The following PCDH15 variants were observed in gnomAD, a reference collection of about 807,000 sequenced individuals.
PCDH15 encodes the protein protocadherin related 15, also known as protocadherin-15.
In PCDH15, 129 loss-of-function variants were observed where a neutral mutation model predicts 178.5. That is an observed-to-expected ratio of 0.72 (90% CI 0.63 to 0.84). The LOEUF is 0.84. Among genes scored for constraint, PCDH15 ranks in the 40% least tolerant of loss-of-function variants. The pLI is 0.00. For missense variants in PCDH15, 2,230 were observed against 2,099.9 expected, an observed-to-expected ratio of 1.06 and a Z score of -1.21; for synonymous variants, 800 against 732.0, an observed-to-expected ratio of 1.09 and a Z score of -1.50.
chr10:54,434,231 AGATT>A (rs2075227011), intron 3 of PCDH15, among the ~76,000 whole-genome samples: 1 of 145,584 alleles, frequency 6.9e-6, no homozygotes, highest in African/African-American at 2.5e-5. Context: ...CAGTAAGCTA[AGATT>A]AATTACTGAA....
At chr10:54,706,503 T>C (rs1227793875) in intron 1 of PCDH15, among the ~76,000 whole-genome samples, 14 of 152,194 alleles carry the variant, frequency 9.2e-5, no homozygotes, top group Non-Finnish European at 2.9e-5. Context: ...GGGATAGTAA[T>C]ATAAATTTTT....
At chr10:54,595,010 C>T (rs2092135490) in intron 2 of PCDH15, among the ~76,000 whole-genome samples, 1 of 152,222 alleles carries the variant, frequency 6.6e-6, no homozygotes, top group African/African-American at 2.4e-5. Context: ...AACACCAGCA[C>T]CAGTACAAAT....
At chr10:53,810,252 TTAAAATATATTTGCTTA>T (rs1258642757) in intron 37 of PCDH15, among the ~76,000 whole-genome samples, 1 of 152,172 alleles carries the variant, frequency 6.6e-6, no homozygotes, top group Non-Finnish European at 1.5e-5. Flanking sequence ...TTGCAGAACT[TTAAAATATATTTGCTTA>T]TAATATCTTT....
intron 2 of PCDH15, among the ~76,000 whole-genome samples, chr10:55,340,580 A>G (rs1844527606): frequency 6.6e-6 from 1 of 152,080 alleles, no homozygotes; most frequent in Admixed American, 6.6e-5. Context: ...GCAATATAAT[A>G]TATTCGTGTA....
chr10:54,726,540 G>A (rs1942563094), intron 1 of PCDH15, among the ~76,000 whole-genome samples: 1 of 151,120 alleles, frequency 6.6e-6, no homozygotes, highest in Non-Finnish European at 1.5e-5. Context: ...AGAGAATGAT[G>A]AGAGGGCACA....
chr10:53,977,722 G>C (rs894988613), intron 21 of PCDH15, among the ~76,000 whole-genome samples: 2 of 152,118 alleles, frequency 1.3e-5, no homozygotes, highest in Admixed American at 6.5e-5. Context: ...GACACAGCAA[G>C]TACCTTCTGC....
chr10:55,374,926 A>G (rs767125751), intron 2 of PCDH15, among the ~76,000 whole-genome samples: 22 of 151,960 alleles, frequency 1.4e-4, no homozygotes, highest in Non-Finnish European at 2.8e-4. Flanking sequence ...AACTCTATAA[A>G]ATGACATTCT....
intron 1 of PCDH15, among the ~76,000 whole-genome samples, chr10:55,291,670 C>A (rs1288070646): frequency 6.6e-6 from 1 of 152,056 alleles, no homozygotes; most frequent in Non-Finnish European, 1.5e-5. Context: ...TTTGAAGTCA[C>A]AAAAGGGAAA....
At chr10:54,941,813 T>TC (rs1217485555) in intron 2 of PCDH15, among the ~76,000 whole-genome samples, 7 of 152,094 alleles carry the variant, frequency 4.6e-5, no homozygotes, top group South Asian at 2.1e-4. Flanking sequence ...GAAGTCTATT[T>TC]CCCCCCCGTA....
chr10:54,829,143 T>C lies in PCDH15; in HGVS notation c.-29+68307A>G, dbSNP rs73254013. ...CTAAAGACTTGGATTTTACCTCAAG[T>C]GTGATGAATAGGCATTGCAATGTTT... On this transcript the variant is annotated intron_variant, in intron 3 of 5. Transcript: ENST00000458638. 3.7e-3 allele frequency among the ~76,000 whole-genome samples: 561 copies of C among 152,048 alleles called. 1 individual carries two copies. Among genetic ancestry groups the C allele is most frequent in the African/African-American group, 0.013 (539 of 41,502 alleles).
At chr10:55,480,208 A>G (rs959691540) in intron 2 of PCDH15, among the ~76,000 whole-genome samples, 2 of 151,690 alleles carry the variant, frequency 1.3e-5, no homozygotes, top group African/African-American at 4.8e-5. Context: ...TGTAGAACTT[A>G]TCAGTGTAAG....
intron 2 of PCDH15, among the ~76,000 whole-genome samples, chr10:55,400,033 G>A (rs900451852): frequency 1.3e-5 from 2 of 151,944 alleles, no homozygotes; most frequent in Non-Finnish European, 2.9e-5. Flanking sequence ...TATTGTTTGG[G>A]TATAATTTAT....
At chr10:55,596,545 C>A (rs1236977517) in intron 2 of PCDH15, among the ~76,000 whole-genome samples, 6 of 151,954 alleles carry the variant, frequency 3.9e-5, no homozygotes, top group East Asian at 1.9e-4. Flanking sequence ...CTCCAGCTAT[C>A]CCATAGGTTA....
At chr10:53,913,832 C>A (rs1211590749) in intron 25 of PCDH15, among the ~76,000 whole-genome samples, 1 of 152,042 alleles carries the variant, frequency 6.6e-6, no homozygotes, top group Non-Finnish European at 1.5e-5. Flanking sequence ...AGGCAACCTA[C>A]AGAATGGGAG....
chr10:54,970,112 T>G (rs192758389), intron 2 of PCDH15, among the ~76,000 whole-genome samples: 1 of 152,336 alleles, frequency 6.6e-6, no homozygotes, highest in East Asian at 1.9e-4. Context: ...GAGAATTAGC[T>G]AGGCCCTTTT....
chr10:55,609,869 G>T (rs1195979124), intron 2 of PCDH15, among the ~76,000 whole-genome samples: 1 of 152,014 alleles, frequency 6.6e-6, no homozygotes, highest in Non-Finnish European at 1.5e-5. Flanking sequence ...ATAAATATCT[G>T]ATCATATATT....
chr10:55,021,331 C>T (rs1033025923), intron 2 of PCDH15, among the ~76,000 whole-genome samples: 9 of 152,162 alleles, frequency 5.9e-5, no homozygotes, highest in Non-Finnish European at 1.3e-4. Flanking sequence ...AAAATGACTT[C>T]CCTCTTTAGC....
At chr10:54,092,659 G>A (rs1388727378) in intron 15 of PCDH15, among the ~76,000 whole-genome samples, 1 of 152,050 alleles carries the variant, frequency 6.6e-6, no homozygotes, top group Non-Finnish European at 1.5e-5. Flanking sequence ...CAATAAAATG[G>A]ATAGTAGACG....
At chr10:55,385,848 C>T (rs935143780) in intron 2 of PCDH15, among the ~76,000 whole-genome samples, 2 of 150,248 alleles carry the variant, frequency 1.3e-5, no homozygotes, top group Non-Finnish European at 3.0e-5. Context: ...TAGATATGCA[C>T]ATCTATATAC....
Sources: gnomAD v4.1 joint callset for allele counts (sites outside exome capture counted in the v4.1 genomes callset) on GRCh38, gnomAD v4.1.1 for gene constraint, MANE v1.5 for transcripts, NCBI Gene and HGNC (gene_info 2026-07-23, HGNC 2026-07-21) for gene names.